Variants in LIPG observed in about 807,000 individuals in gnomAD.
LIPG encodes lipase G, endothelial type, also known as endothelial lipase.
LIPG carries 34 observed loss-of-function variants against 51.8 expected under a neutral mutation model. That is an observed-to-expected ratio of 0.66 (90% CI 0.50 to 0.87). The LOEUF is 0.87. Among genes scored for constraint, LIPG ranks in the 40% least tolerant of loss-of-function variants. The pLI, the probability that LIPG is intolerant of heterozygous loss-of-function variation, is 0.00. For synonymous variants in LIPG, 246 were observed against 246.1 expected, an observed-to-expected ratio of 1.00 and a Z score of 0.00; for missense variants, 580 against 652.7, an observed-to-expected ratio of 0.89 and a Z score of 1.21.
chr18:49,571,214 C>T (rs1208767591), intron 4 of LIPG, among the ~76,000 whole-genome samples: 2 of 152,208 alleles, frequency 1.3e-5, no homozygotes, highest in Admixed American at 6.5e-5. Context: ...ATTGTCTGAG[C>T]GCCTCTTCCT....
intron 8 of LIPG, among the ~76,000 whole-genome samples, chr18:49,586,390 C>T (rs1352975389): frequency 2.0e-5 from 3 of 152,230 alleles, no homozygotes; most frequent in Non-Finnish European, 4.4e-5. Flanking sequence ...TATATAAGGA[C>T]ATACTTTGTA....
In LIPG at chr18:49,595,037, G is replaced by A. The variant is rs953714135; in HGVS notation, c.*4515G>A. On this transcript the variant is annotated 3_prime_UTR_variant, in exon 10 of 10. Coordinates refer to ENST00000261292, the MANE Select transcript of LIPG (RefSeq NM_006033.4). ...CCTTTGACTCTCCAAACAAGCTGAA[G>A]CCCCAGACCCCTTGGAAGGATGGAT... 1 of 152,190 alleles carries A rather than the reference G, an allele frequency of 6.6e-6. No individual in the cohort carries two copies. Among genetic ancestry groups the A allele is most frequent in the African/African-American group, 2.4e-5 (1 of 41,428 alleles). The allele number at this position is 152,190 out of a possible 1,614,324, so 9.4% of individuals were successfully genotyped here.
At position 49,598,063 on chromosome 18, in the gene LIPG, C is replaced by A. The variant is rs1435954713; in HGVS notation, c.*7541C>A. On this transcript the variant is annotated 3_prime_UTR_variant, in exon 10 of 10. Transcript: ENST00000261292. ...TCTATTAGATACACAGAGCTTCTTC[C>A]TTCTGCTTAGGCTGCCCCAAATTCC... is the stretch of plus-strand genomic sequence containing the variant. The A allele has an allele frequency of 6.6e-6, 1 of 152,172 alleles. No homozygotes were observed. The highest frequency in any genetic ancestry group is 2.4e-5 in the African/African-American group (1 of 41,434). 9.4% of individuals were successfully genotyped at this position (152,172 alleles called of 1,614,324 possible).
In LIPG at chr18:49,562,407, T is replaced by C; in HGVS notation, c.97+2T>C. 1.2e-6 allele frequency: 2 copies of C among 1,613,452 alleles called. No homozygotes were observed. The highest frequency in any genetic ancestry group is 1.7e-5 in the Admixed American group (1 of 60,014). ...TTGGTCCAGAGGGACGGCTGGAAGG[T>C]AACGTGAATTTGTTTTTATTCCCCC... On this transcript the variant is annotated splice_donor_variant, in intron 1 of 9. Coordinates refer to ENST00000261292, the MANE Select transcript of LIPG (RefSeq NM_006033.4). LOFTEE classifies it high-confidence loss of function.
rs1429284020 is a variant in LIPG, at chr18:49,567,456, T to C, written c.294T>C (p.Phe98=). Residue 98 remains phenylalanine, a synonymous_variant, in exon 3 of 10, where the codon TTT becomes TTC. Transcript: ENST00000261292. Reference sequence around the variant, plus strand: ...TTTCTCTGCAGATGAGCGGTATCTTTGAAAACTGGCTGCACAAACTCGTGT... The same window carrying C: ...TTTCTCTGCAGATGAGCGGTATCTTCGAAAACTGGCTGCACAAACTCGTGT... ...IIHGWTMSGI[F]ENWLHKLVSA... is the part of the protein sequence containing the mutation. 1 of 1,614,184 alleles carries C rather than the reference T, an allele frequency of 6.2e-7. No individual in the cohort carries two copies. Among genetic ancestry groups the C allele is most frequent in the Non-Finnish European group, 8.5e-7 (1 of 1,180,004 alleles).
In LIPG at chr18:49,583,771, G is replaced by A. The variant is rs748682092; in HGVS notation, c.1373G>A (p.Arg458Gln). Residue 458 changes from arginine to glutamine, a missense_variant, in exon 8 of 10, where the codon CGG (arginine) becomes CAG (glutamine). Physicochemically the swap from Arg to Gln is conservative, Grantham distance 43 (BLOSUM62 1). Transcript: ENST00000261292. ...CGGGTGAAGTCTGGGGAAACCCAGC[G>A]GAAGTAAGTGCCTCCTGCTCCTTCT... ...RIRVKSGETQ[R>Q]KLTFCTEDPE... The A allele has an allele frequency of 3.2e-5, 51 of 1,609,474 alleles. No individual in the cohort carries two copies. The highest frequency in any genetic ancestry group is 1.8e-4 in the East Asian group (8 of 44,694).
At chr18:49,572,885 A>T (rs2084678464) in intron 4 of LIPG, among the ~76,000 whole-genome samples, 1 of 152,202 alleles carries the variant, frequency 6.6e-6, no homozygotes, top group African/African-American at 2.4e-5. Context: ...GACTGAATGG[A>T]AGAAGCGGCG....
At chr18:49,577,797 G>T (rs1484147402) in intron 5 of LIPG, among the ~76,000 whole-genome samples, 1 of 109,874 alleles carries the variant, frequency 9.1e-6, no homozygotes, top group Non-Finnish European at 1.9e-5. Context: ...GCGGGGGGCT[G>T]ACCCCCCCAC....
chr18:49,570,687 G>A (rs2084652508), intron 4 of LIPG, among the ~76,000 whole-genome samples: 1 of 152,164 alleles, frequency 6.6e-6, no homozygotes, highest in African/African-American at 2.4e-5. Context: ...AAATTAGCCA[G>A]CTGTGGTGGC....
intron 9 of LIPG, 82 bp downstream of exon 9, chr18:49,586,932 T>A: frequency 9.8e-7 from 1 of 1,021,760 alleles, no homozygotes; most frequent in Non-Finnish European, 1.5e-6. Context: ...TGGATCTGGG[T>A]GCCAGGGACA....
Position 49,582,540 on chromosome 18 carries a change from G to T in LIPG, c.1157+58G>T, listed in dbSNP as rs966441976. The T allele has an allele frequency of 2.5e-6, 4 of 1,609,406 alleles. No homozygotes were observed. In the Admixed American group the frequency reaches 6.7e-5, roughly 27 times the overall value. On this transcript the variant is annotated intron_variant, in intron 7 of 9. Coordinates refer to ENST00000261292, the MANE Select transcript of LIPG (RefSeq NM_006033.4). Reference sequence around the variant, plus strand: ...ACAGAGAACAGGTTGGTTTGAGAATGAGAGAGCACAAGGGAGCGTGTGAAC... The same window carrying T: ...ACAGAGAACAGGTTGGTTTGAGAATTAGAGAGCACAAGGGAGCGTGTGAAC...
At chr18:49,586,609 A>G (rs2084882606) in intron 8 of LIPG, 137 bp from the exon 9 acceptor site, 1 of 705,964 alleles carries the variant, frequency 1.4e-6, no homozygotes, top group African/African-American at 1.7e-5. Flanking sequence ...GTGATGGGGA[A>G]TTCTGAAGGC....
At chr18:49,584,964 T>C (rs974764274) in intron 8 of LIPG, among the ~76,000 whole-genome samples, 4 of 152,248 alleles carry the variant, frequency 2.6e-5, no homozygotes, top group Admixed American at 2.0e-4. Flanking sequence ...CCTGTGTCCT[T>C]CTCTGCTCTA....
intron 5 of LIPG, among the ~76,000 whole-genome samples, chr18:49,579,753 CCTTTCCTTTCCTTT>C (rs1386967227): frequency 7.7e-6 from 1 of 130,308 alleles, no homozygotes; most frequent in Non-Finnish European, 1.5e-5. Flanking sequence ...TCTTTCCTTT[CCTTTCCTTTCCTTT>C]CTTTTCTTTT....
In LIPG at chr18:49,569,828, C is replaced by T. The variant is rs760894575; in HGVS notation, c.571+280C>T. Among the ~76,000 whole-genome samples, 5 of 151,952 alleles carry T rather than the reference C, an allele frequency of 3.3e-5. No homozygotes were observed. In the East Asian group the frequency reaches 5.8e-4, roughly 18 times the overall value. Reference sequence around the variant, plus strand: ...CTTGTGTTAGCCTTGCCAGTGTGGGCGTTCCCCTTCCCTATAGGCATCTCA... The same window carrying T: ...CTTGTGTTAGCCTTGCCAGTGTGGGTGTTCCCCTTCCCTATAGGCATCTCA... On this transcript the variant is annotated intron_variant, in intron 4 of 9. Coordinates refer to ENST00000261292, the MANE Select transcript of LIPG (RefSeq NM_006033.4).
intron 5 of LIPG, among the ~76,000 whole-genome samples, chr18:49,577,657 C>G (rs1356670237): frequency 2.2e-5 from 3 of 135,370 alleles, no homozygotes; most frequent in Non-Finnish European, 3.2e-5. Context: ...CTGACCCCCC[C>G]ACCTCCCTCC....
Position 49,567,348 on chromosome 18 carries a change from A to T in LIPG, c.280-94A>T, listed in dbSNP as rs76876814. The T allele has an allele frequency of 3.8e-5, 51 of 1,330,132 alleles. No individual in the cohort carries two copies. In the East Asian group the frequency reaches 1.3e-3, roughly 33 times the overall value. 82.4% of individuals were successfully genotyped at this position (1,330,132 alleles called of 1,614,324 possible). On this transcript the variant is annotated intron_variant, in intron 2 of 9. Coordinates refer to ENST00000261292, the MANE Select transcript of LIPG (RefSeq NM_006033.4). Reference sequence around the variant, plus strand: ...TGAGACCCTGAGTCAAAAAAAAAAAATTAATTGGGAAGAGGGTCATATAGA... The same window carrying T: ...TGAGACCCTGAGTCAAAAAAAAAAATTTAATTGGGAAGAGGGTCATATAGA...
intron 8 of LIPG, among the ~76,000 whole-genome samples, chr18:49,586,211 A>G (rs1308703132): frequency 6.6e-6 from 1 of 152,166 alleles, no homozygotes; most frequent in Non-Finnish European, 1.5e-5. Flanking sequence ...GTCAATGGAT[A>G]TTTACAGAGC....
Position 49,562,328 on chromosome 18 carries a change from T to C in LIPG, c.20T>C (p.Leu7Pro). 1 of 1,613,558 alleles carries C rather than the reference T, an allele frequency of 6.2e-7. No homozygotes were observed. The highest frequency in any genetic ancestry group is 8.5e-7 in the Non-Finnish European group (1 of 1,180,024). The change falls in exon 1 of 10, where the codon CTG (leucine) becomes CCG (proline). Residue 7 changes from leucine to proline, a missense_variant. Leu to Pro is a moderately conservative substitution (Grantham distance 98, BLOSUM62 -3). Transcript: ENST00000261292. Reference sequence around the variant, plus strand: ...GGCAGGATGAGCAACTCCGTTCCTCTGCTCTGTTTCTGGAGCCTCTGCTAT... The same window carrying C: ...GGCAGGATGAGCAACTCCGTTCCTCCGCTCTGTTTCTGGAGCCTCTGCTAT... MSNSVP[L>P]LCFWSLCYCF... is the part of the protein sequence containing the mutation.
Sources: gnomAD v4.1 joint callset for allele counts (sites outside exome capture counted in the v4.1 genomes callset) on GRCh38, gnomAD v4.1.1 for gene constraint, MANE v1.5 for transcripts, NCBI Gene and HGNC (gene_info 2026-07-23, HGNC 2026-07-21) for gene names.